The following GALNT4 variants were observed in gnomAD, a reference collection of about 807,000 sequenced individuals.
GALNT4 encodes UDP-GalNAc:polypeptide N-acetylgalactosaminyltransferase 4.
A neutral mutation model predicts 45.1 loss-of-function variants in GALNT4; 23 were observed. That is an observed-to-expected ratio of 0.51 (90% CI 0.37 to 0.72). The LOEUF (loss-of-function observed/expected upper bound fraction) is 0.72. Ranked by LOEUF, GALNT4 falls within the 30% of genes least tolerant of loss-of-function variation. The pLI, the probability that GALNT4 is intolerant of heterozygous loss-of-function variation, is 0.00. For missense variants in GALNT4, 757 were observed against 709.0 expected (o/e 1.07, Z -0.77); for synonymous variants, 264 against 257.6 (o/e 1.02, Z -0.24).
Position 89,522,992 on chromosome 12 carries a change from T to C in GALNT4, c.1558A>G (p.Lys520Glu), listed in dbSNP as rs780255035. 1.2e-6 allele frequency: 2 copies of C among 1,613,986 alleles called. No individual in the cohort carries two copies. Among genetic ancestry groups the C allele is most frequent in the Non-Finnish European group, 1.7e-6 (2 of 1,179,860 alleles). Residue 520 changes from lysine (K) to glutamate (E), a missense_variant, in exon 1 of 1, where the codon AAA (lysine) becomes GAA (glutamate). Lys to Glu is a moderately conservative substitution (Grantham distance 56). Coordinates refer to ENST00000529983, the MANE Select transcript of GALNT4 (RefSeq NM_003774.5). ...KNYVGMQNCP[K>E]DGFPVPANII... The stretch of plus-strand genomic sequence containing the variant: ...TTTGCTGGTACAGGGAACCCATCTT[T>C]GGGACAATTTTGCATTCCCACATAA...
Position 89,523,802 on chromosome 12 carries a change from C to T in GALNT4, c.748G>A (p.Ala250Thr). 1 of 1,534,958 alleles carries T rather than the reference C, an allele frequency of 6.5e-7. No individual in the cohort carries two copies. Among genetic ancestry groups the T allele is most frequent in the South Asian group, 1.3e-5 (1 of 76,268 alleles). The change falls in exon 1 of 1, where the codon GCA becomes ACA. Residue 250 changes from alanine (A) to threonine (T), a missense_variant. Transcript: ENST00000529983. ...GTGTCTATAACAGGACACACAACTG[C>T]TGTTTCATCTCTCCCAATCCTTTCC... is the stretch of plus-strand genomic sequence containing the variant. ...LLERIGRDET[A>T]VVCPVIDTID...
rs985837919 is a variant in GALNT4, at chr12:89,523,536, G to A, written c.1014C>T (p.Asn338=). The A allele has an allele frequency of 6.2e-7, 1 of 1,603,674 alleles. No individual in the cohort carries two copies. Among genetic ancestry groups the A allele is most frequent in the Non-Finnish European group, 8.5e-7 (1 of 1,175,958 alleles). Residue 338 remains asparagine (N), a synonymous_variant, in exon 1 of 1, where the codon AAC becomes AAT. Transcript: ENST00000529983. Reference sequence around the variant, plus strand: ...GCCACACCCTAAAAGACAGCTCAAGGTTTTCACCTCCCCACACTTCCATTC... The same window carrying A: ...GCCACACCCTAAAAGACAGCTCAAGATTTTCACCTCCCCACACTTCCATTC... The part of the protein sequence containing the change: ...DTGMEVWGGE[N]LELSFRVWQC...
At position 89,524,715 on chromosome 12, in the gene GALNT4, C is replaced by G; in HGVS notation, c.-166G>C. Reference sequence around the variant, plus strand: ...CAGGCTTTCCAGGGGTCACCTGAGCCCTCTCGGTCCTCGGCCTCCGGCACA... The same window carrying G: ...CAGGCTTTCCAGGGGTCACCTGAGCGCTCTCGGTCCTCGGCCTCCGGCACA... On this transcript the variant is annotated 5_prime_UTR_variant, in exon 1 of 1. Transcript: ENST00000529983. 1 of 709,564 alleles carries G rather than the reference C, an allele frequency of 1.4e-6. No homozygotes were observed. The highest frequency in any genetic ancestry group is 2.4e-6 in the Non-Finnish European group (1 of 422,574). 44.0% of individuals were successfully genotyped at this position (709,564 alleles called of 1,614,324 possible).
rs542697953 is a variant in GALNT4, at chr12:89,519,484, CAG to C, written c.*3327_*3328del. ...ATTACAAATACAAAAGGAAAAAAGT[CAG>C]AAACAACTCATCACAGAGGAAAAAA... On this transcript the variant is annotated 3_prime_UTR_variant, in exon 1 of 1. Transcript: ENST00000529983. 6.6e-6 allele frequency: 1 copy of C among 152,274 alleles called. No homozygotes were observed. The highest frequency in any genetic ancestry group is 1.5e-5 in the Non-Finnish European group (1 of 67,982). 9.4% of individuals were successfully genotyped at this position (152,274 alleles called of 1,614,324 possible).
In GALNT4 at chr12:89,522,707, G is replaced by T; in HGVS notation, c.*106C>A. 1 of 1,429,566 alleles carries T rather than the reference G, an allele frequency of 7.0e-7. No homozygotes were observed. Among genetic ancestry groups the T allele is most frequent in the African/African-American group, 1.4e-5 (1 of 69,840 alleles). 88.6% of individuals were successfully genotyped at this position (1,429,566 alleles called of 1,614,324 possible). ...GCTTTCCAGTGCTCCACAGATGACT[G>T]CTAGGTGGCTTTTGATAAAATAAAA... On this transcript the variant is annotated 3_prime_UTR_variant, in exon 1 of 1. Coordinates refer to ENST00000529983, the MANE Select transcript of GALNT4 (RefSeq NM_003774.5).
Position 89,523,256 on chromosome 12 carries a change from A to G in GALNT4, c.1294T>C (p.Phe432Leu). Residue 432 changes from phenylalanine (F) to leucine (L), a missense_variant, in exon 1 of 1, where the codon TTT becomes CTT. Coordinates refer to ENST00000529983, the MANE Select transcript of GALNT4 (RefSeq NM_003774.5). ...KSFDWYLKNV[F>L]PNLHVPEDRP... Reference sequence around the variant, plus strand: ...TCCTCTGGAACATGTAAATTAGGAAAAACGTTTTTCAAATACCAGTCAAAG... The same window carrying G: ...TCCTCTGGAACATGTAAATTAGGAAGAACGTTTTTCAAATACCAGTCAAAG... The G allele has an allele frequency of 1.2e-6, 2 of 1,614,052 alleles. No individual in the cohort carries two copies. The highest frequency in any genetic ancestry group is 8.5e-7 in the Non-Finnish European group (1 of 1,179,910).
chr12:89,524,588 G>C lies in GALNT4; in HGVS notation c.-39C>G, dbSNP rs1871250353. ...GCTGAGGCGCAGACGCGGCCACCAA[G>C]CCACCACGCAGGGGAAGGGCGGCGG... is the stretch of plus-strand genomic sequence containing the variant. On this transcript the variant is annotated 5_prime_UTR_variant, in exon 1 of 1. Coordinates refer to ENST00000529983, the MANE Select transcript of GALNT4 (RefSeq NM_003774.5). The C allele has an allele frequency of 6.2e-7, 1 of 1,606,096 alleles. No homozygotes were observed. Among genetic ancestry groups the C allele is most frequent in the Non-Finnish European group, 8.5e-7 (1 of 1,177,306 alleles).
chr12:89,521,694 T>G lies in GALNT4; in HGVS notation c.*1119A>C, dbSNP rs558058196. On this transcript the variant is annotated 3_prime_UTR_variant, in exon 1 of 1. Transcript: ENST00000529983. Reference sequence around the variant, plus strand: ...TACATTCCTCAGCTGAGCCATTCATTCATTCATTCAGTCATTCATTCACCC... The same window carrying G: ...TACATTCCTCAGCTGAGCCATTCATGCATTCATTCAGTCATTCATTCACCC... 2 of 258,688 alleles carry G rather than the reference T, an allele frequency of 7.7e-6. No individual in the cohort carries two copies. Among genetic ancestry groups the G allele is most frequent in the African/African-American group, 4.4e-5 (2 of 45,604 alleles). The allele number at this position is 258,688 out of a possible 1,614,324, so 16.0% of individuals were successfully genotyped here.
At position 89,524,042 on chromosome 12, in the gene GALNT4, T is replaced by G; in HGVS notation, c.508A>C (p.Ile170Leu). The change falls in exon 1 of 1, where the codon ATC becomes CTC. Residue 170 changes from isoleucine (I) to leucine (L), a missense_variant. By Grantham distance (5) the Ile-to-Leu change is conservative. Transcript: ENST00000529983. ...ETSPAVLLKE[I>L]ILVDDLSDRV... ...TCACTCAAGTCATCCACCAAGATGA[T>G]CTCTTTCAAAAGAACTGCAGGAGAA... The G allele has an allele frequency of 6.2e-7, 1 of 1,613,550 alleles. No individual in the cohort carries two copies. Among genetic ancestry groups the G allele is most frequent in the South Asian group, 1.1e-5 (1 of 90,982 alleles).
Position 89,522,833 on chromosome 12 carries a change from T to C in GALNT4, c.1717A>G (p.Ile573Val). The change falls in exon 1 of 1, where the codon ATT becomes GTT. Residue 573 changes from isoleucine (I) to valine (V), a missense_variant. By Grantham distance (29) the Ile-to-Val change is conservative (BLOSUM62 3). Coordinates refer to ENST00000529983, the MANE Select transcript of GALNT4 (RefSeq NM_003774.5). ...GTGCTCTATTTCTCAAAACTCCAAA[T>C]TTGATTTTTATCTAGAGCATCACAA... ...RTCDALDKNQ[I>V]WSFEK The C allele has an allele frequency of 6.3e-7, 1 of 1,585,804 alleles. No individual in the cohort carries two copies. Among genetic ancestry groups the C allele is most frequent in the Non-Finnish European group, 8.6e-7 (1 of 1,167,804 alleles).
Position 89,523,678 on chromosome 12 carries a change from T to C in GALNT4, c.872A>G (p.Lys291Arg). ...RLTFQWHSVP[K>R]QERDRRISRI... ...TGATATCCGCCTGTCCCTTTCCTGT[T>C]TGGGGACAGAATGCCACTGAAATGT... Residue 291 changes from lysine (K) to arginine (R), a missense_variant, in exon 1 of 1, where the codon AAA (lysine) becomes AGA (arginine). Coordinates refer to ENST00000529983, the MANE Select transcript of GALNT4 (RefSeq NM_003774.5). The C allele has an allele frequency of 6.5e-7, 1 of 1,539,724 alleles. No homozygotes were observed. The highest frequency in any genetic ancestry group is 1.3e-5 in the South Asian group (1 of 76,402).
chr12:89,523,304 G>A lies in GALNT4; in HGVS notation c.1246C>T (p.Arg416Ter), dbSNP rs192894218. The change falls in exon 1 of 1, where the codon CGA becomes TGA. Residue 416 changes from arginine to a stop codon, truncating the protein, a stop_gained. Coordinates refer to ENST00000529983, the MANE Select transcript of GALNT4 (RefSeq NM_003774.5). LOFTEE classifies it high-confidence loss of function. ...AAGCTCTTGCATCTCAACCGCTCTC[G>A]TAGTAATTTTCTTTCAGAAATATCA... is the stretch of plus-strand genomic sequence containing the variant. ...YGDISERKLL[R>*]ERLRCKSFDW... is the part of the protein sequence containing the mutation. 20 of 1,614,032 alleles carry A rather than the reference G, an allele frequency of 1.2e-5. No individual in the cohort carries two copies. Among genetic ancestry groups the A allele is most frequent in the Admixed American group, 1.0e-4 (6 of 60,028 alleles).
chr12:89,521,121 T>G lies in GALNT4; in HGVS notation c.*1692A>C, dbSNP rs1403406442. The G allele has an allele frequency of 6.7e-6, 1 of 149,136 alleles. No individual in the cohort carries two copies. The highest frequency in any genetic ancestry group is 2.5e-5 in the African/African-American group (1 of 40,278). 9.2% of individuals were successfully genotyped at this position (149,136 alleles called of 1,614,324 possible). A position where few individuals can be genotyped will look rare whatever the true frequency, so the allele number is the denominator to read the frequency against. Reference sequence around the variant, plus strand: ...TTATTTTATTATTATTTTTTTTTTTTGAGACAGAGTCTTGCTCTGTCGCCC... The same window carrying G: ...TTATTTTATTATTATTTTTTTTTTTGGAGACAGAGTCTTGCTCTGTCGCCC... On this transcript the variant is annotated 3_prime_UTR_variant, in exon 1 of 1. Coordinates refer to ENST00000529983, the MANE Select transcript of GALNT4 (RefSeq NM_003774.5).
chr12:89,523,733 G>C lies in GALNT4; in HGVS notation c.817C>G (p.Pro273Ala), dbSNP rs1356626823. The C allele has an allele frequency of 1.2e-5, 19 of 1,547,952 alleles. No homozygotes were observed. Among genetic ancestry groups the C allele is most frequent in the Non-Finnish European group, 1.6e-5 (18 of 1,154,730 alleles). Residue 273 changes from proline (P) to alanine (A), a missense_variant, in exon 1 of 1, where the codon CCC (proline) becomes GCC (alanine). Coordinates refer to ENST00000529983, the MANE Select transcript of GALNT4 (RefSeq NM_003774.5). The part of the protein sequence containing the change: ...TFEFYMQIGE[P>A]MIGGFDWRLT... The stretch of plus-strand genomic sequence containing the variant: ...CGCCAGTCAAACCCACCAATCATGG[G>C]CTCCCCTATCTGCATATAGAATTCA...
chr12:89,524,681 C>CATG lies in GALNT4; in HGVS notation c.-133_-132insCAT, dbSNP rs1423695812. ...TTTCATGCAGGCGCTAGGCTCCTTT[C>CATG]CAGCCACCCAGGCTTTCCAGGGGTC... On this transcript the variant is annotated 5_prime_UTR_variant, in exon 1 of 1. It adds an upstream start codon to the 5' untranslated region. Transcript: ENST00000529983. 8 of 963,228 alleles carry CATG rather than the reference C, an allele frequency of 8.3e-6. No individual in the cohort carries two copies. The highest frequency in any genetic ancestry group is 7.7e-6 in the Non-Finnish European group (5 of 648,222). 59.7% of individuals were successfully genotyped at this position (963,228 alleles called of 1,614,324 possible).
In GALNT4 at chr12:89,523,514, A is replaced by C; in HGVS notation, c.1036T>G (p.Trp346Gly). ...GENLELSFRV[W>G]QCGGKLEIHP... is the part of the protein sequence containing the mutation. Reference sequence around the variant, plus strand: ...ATCTCCAATTTGCCACCACACTGCCACACCCTAAAAGACAGCTCAAGGTTT... The same window carrying C: ...ATCTCCAATTTGCCACCACACTGCCCCACCCTAAAAGACAGCTCAAGGTTT... The change falls in exon 1 of 1, where the codon TGG (tryptophan) becomes GGG (glycine). Residue 346 changes from tryptophan to glycine, a missense_variant. Coordinates refer to ENST00000529983, the MANE Select transcript of GALNT4 (RefSeq NM_003774.5). 1 of 1,610,986 alleles carries C rather than the reference A, an allele frequency of 6.2e-7. No individual in the cohort carries two copies. The highest frequency in any genetic ancestry group is 1.3e-5 in the African/African-American group (1 of 74,938).
At position 89,523,532 on chromosome 12, in the gene GALNT4, C is replaced by T; in HGVS notation, c.1018G>A (p.Glu340Lys). 5 of 1,604,694 alleles carry T rather than the reference C, an allele frequency of 3.1e-6. No homozygotes were observed. Among genetic ancestry groups the T allele is most frequent in the Non-Finnish European group, 4.3e-6 (5 of 1,176,272 alleles). The change falls in exon 1 of 1, where the codon GAG (glutamate) becomes AAG (lysine). Residue 340 changes from glutamate (E) to lysine (K), a missense_variant. Physicochemically the swap from Glu to Lys is moderately conservative, Grantham distance 56. Transcript: ENST00000529983. ...GMEVWGGENL[E>K]LSFRVWQCGG... ...CACTGCCACACCCTAAAAGACAGCT[C>T]AAGGTTTTCACCTCCCCACACTTCC...
rs867921853 is a variant in GALNT4 at position 89,522,022 on chromosome 12, T to C, written c.*791A>G. Reference sequence around the variant, plus strand: ...GATGAGTCCCTTTCTAGTACATTCATAACTTAAGGAAGTGCAATCAGAAAA... The same window carrying C: ...GATGAGTCCCTTTCTAGTACATTCACAACTTAAGGAAGTGCAATCAGAAAA... On this transcript the variant is annotated 3_prime_UTR_variant, in exon 1 of 1. Coordinates refer to ENST00000529983, the MANE Select transcript of GALNT4 (RefSeq NM_003774.5). The C allele has an allele frequency of 2.8e-5, 11 of 398,876 alleles. No homozygotes were observed. The highest frequency in any genetic ancestry group is 4.4e-5 in the Non-Finnish European group (10 of 226,046). 24.7% of individuals were successfully genotyped at this position (398,876 alleles called of 1,614,324 possible).
Position 89,524,658 on chromosome 12 carries a change from T to C in GALNT4, c.-109A>G, listed in dbSNP as rs1871257781. The C allele has an allele frequency of 8.5e-7, 1 of 1,174,968 alleles. No individual in the cohort carries two copies. Among genetic ancestry groups the C allele is most frequent in the African/African-American group, 1.5e-5 (1 of 64,974 alleles). 72.8% of individuals were successfully genotyped at this position (1,174,968 alleles called of 1,614,324 possible). A position where few individuals can be genotyped will look rare whatever the true frequency, so the allele number is the denominator to read the frequency against. On this transcript the variant is annotated 5_prime_UTR_variant, in exon 1 of 1. Transcript: ENST00000529983. ...GGTACTTCCCAGCAGGTTCTTCCTT[T>C]CATGCAGGCGCTAGGCTCCTTTCCA...
Sources: gnomAD v4.1 joint callset for allele counts on GRCh38, gnomAD v4.1.1 for gene constraint, MANE v1.5 for transcripts, NCBI Gene and HGNC (gene_info 2026-07-23, HGNC 2026-07-21) for gene names.